The following LAMTOR4 variants were observed in gnomAD, a reference collection of about 807,000 sequenced individuals.
LAMTOR4 encodes the protein ragulator complex protein LAMTOR4.
A neutral mutation model predicts 13.5 loss-of-function variants in LAMTOR4; 11 were observed. The ratio of observed to expected loss-of-function variants is 0.82; its 90% CI spans 0.51 to 1.35. LAMTOR4 has a LOEUF of 1.35. LAMTOR4 is among the 40% of genes most tolerant of loss of function. LAMTOR4 has a pLI of 0.00. For missense variants in LAMTOR4, 128 were observed against 126.2 expected, an observed-to-expected ratio of 1.01 and a Z score of -0.07; for synonymous variants, 69 against 52.3, an observed-to-expected ratio of 1.32 and a Z score of -1.38.
intron 2 of LAMTOR4, among the ~76,000 whole-genome samples, chr7:100,152,498 T>A (rs964761318): frequency 6.6e-6 from 1 of 152,060 alleles, no homozygotes; most frequent in African/African-American, 2.4e-5. Flanking sequence ...ACTTTAGACA[T>A]TGAGTTTGAT....
At chr7:100,151,537 C>CGCCA (rs1798702654) in intron 2 of LAMTOR4, among the ~76,000 whole-genome samples, 2 of 151,708 alleles carry the variant, frequency 1.3e-5, no homozygotes, top group African/African-American at 2.4e-5. Flanking sequence ...TACAGGCGCC[C>CGCCA]GCCACCATGC....
rs774684445 is a variant in LAMTOR4 at position 100,149,492 on chromosome 7, C to T, written c.4-7C>T. The T allele has an allele frequency of 1.2e-6, 2 of 1,604,030 alleles. No individual in the cohort carries two copies. Among genetic ancestry groups the T allele is most frequent in the Non-Finnish European group, 1.7e-6 (2 of 1,170,906 alleles). On this transcript the variant is annotated splice_region_variant and splice_polypyrimidine_tract_variant and intron_variant, in intron 1 of 3. Coordinates refer to ENST00000341942, the MANE Select transcript of LAMTOR4 (RefSeq NM_001008395.4). ...TGCTTCTCACGACTTGCATCTTTACCCACTAGACTTCTGCGCTGACCCAGG... is the reference window on the plus strand; with the variant it reads ...TGCTTCTCACGACTTGCATCTTTACTCACTAGACTTCTGCGCTGACCCAGG...
chr7:100,149,076 C>G (rs1400918886), intron 1 of LAMTOR4, 101 bp downstream of exon 1: 2 of 1,410,428 alleles, frequency 1.4e-6, no homozygotes, highest in Non-Finnish European at 1.9e-6. Flanking sequence ...TCCACCCTCA[C>G]CTCCTATCCG....
chr7:100,149,605 C>G (rs1798638629), intron 2 of LAMTOR4, 26 bp downstream of exon 2: 1 of 1,576,708 alleles, frequency 6.3e-7, no homozygotes, highest in South Asian at 1.1e-5. Context: ...GGGAGGGGGT[C>G]CCTTAGTGCA....
At chr7:100,151,684 C>T (rs531120093) in intron 2 of LAMTOR4, among the ~76,000 whole-genome samples, 9 of 151,138 alleles carry the variant, frequency 6.0e-5, no homozygotes, top group East Asian at 1.9e-4. Context: ...CACAGCACCC[C>T]GTCCTGTTTT....
intron 2 of LAMTOR4, 98 bp from the exon 3 acceptor site, chr7:100,153,302 G>A: frequency 1.2e-6 from 1 of 822,022 alleles, no homozygotes; most frequent in South Asian, 1.6e-5. Flanking sequence ...CCAAGGGGGA[G>A]AGGGTCTAAG....
chr7:100,149,440 G>C (rs1490504404), intron 1 of LAMTOR4, 59 bp from the exon 2 acceptor site: 6 of 1,148,570 alleles, frequency 5.2e-6, no homozygotes, highest in Non-Finnish European at 7.9e-6. Flanking sequence ...GCAGGTGAAG[G>C]GTATCGGGCC....
At chr7:100,150,332 TA>T (rs1798662511) in intron 2 of LAMTOR4, among the ~76,000 whole-genome samples, 1 of 152,196 alleles carries the variant, frequency 6.6e-6, no homozygotes, top group South Asian at 2.1e-4. Context: ...TCCAGGATAT[TA>T]AAAATTCAAC....
intron 1 of LAMTOR4, 42 bp from the exon 2 acceptor site, chr7:100,149,457 C>T (rs764041303): frequency 4.4e-6 from 6 of 1,361,016 alleles, no homozygotes; most frequent in African/African-American, 4.3e-5. Context: ...GGCCGTCCAT[C>T]CCTCTAGCAT....
intron 2 of LAMTOR4, chr7:100,149,830 C>G: frequency 2.8e-6 from 1 of 361,360 alleles, no homozygotes; most frequent in Non-Finnish European, 5.3e-6. Context: ...AGCTGGAGTG[C>G]AGTGGTGCGA....
At chr7:100,153,312 G>A in intron 2 of LAMTOR4, 88 bp from the exon 3 acceptor site, 1 of 920,884 alleles carries the variant, frequency 1.1e-6, no homozygotes, top group South Asian at 1.4e-5. Context: ...GAGGGTCTAA[G>A]TGTGAGAACC....
rs550685898 is a variant in LAMTOR4 at position 100,153,383 on chromosome 7, C to T, written c.85-17C>T. 5.1e-6 allele frequency: 8 copies of T among 1,571,638 alleles called. No homozygotes were observed. The East Asian group carries it at 1.1e-4, about 22-fold the overall frequency. ...TGCCGTAATGCCCGCCCCTCTCCCTCCTCCGTCTGCATGCAGTCATCTGGG... is the reference window on the plus strand; with the variant it reads ...TGCCGTAATGCCCGCCCCTCTCCCTTCTCCGTCTGCATGCAGTCATCTGGG... On this transcript the variant is annotated splice_polypyrimidine_tract_variant and intron_variant, in intron 2 of 3. Coordinates refer to ENST00000341942, the MANE Select transcript of LAMTOR4 (RefSeq NM_001008395.4).
rs935113932 is a variant in LAMTOR4 at position 100,153,571 on chromosome 7, C to T, written c.202+54C>T. On this transcript the variant is annotated intron_variant, in intron 3 of 3. Transcript: ENST00000341942. ...GGTACTGGGAGCGGGGGGCTACTTC[C>T]AGGGGCTTCTCGGCTTCTCTTCTTC... The T allele has an allele frequency of 2.7e-6, 4 of 1,464,170 alleles. No homozygotes were observed. In the East Asian group the frequency reaches 9.0e-5, roughly 33 times the overall value. 90.7% of individuals were successfully genotyped at this position (1,464,170 alleles called of 1,614,324 possible).
chr7:100,154,110 T>C lies in LAMTOR4; in HGVS notation c.*146T>C. Reference sequence around the variant, plus strand: ...ACCCCTACCTGGACGGGCCCAGGCTTGGGGACTCTGAGCTGTGTTAAGGAG... The same window carrying C: ...ACCCCTACCTGGACGGGCCCAGGCTCGGGGACTCTGAGCTGTGTTAAGGAG... On this transcript the variant is annotated 3_prime_UTR_variant, in exon 4 of 4. Coordinates refer to ENST00000341942, the MANE Select transcript of LAMTOR4 (RefSeq NM_001008395.4). 1 of 658,466 alleles carries C rather than the reference T, an allele frequency of 1.5e-6. No individual in the cohort carries two copies. The highest frequency in any genetic ancestry group is 1.8e-5 in the African/African-American group (1 of 56,202). The allele number at this position is 658,466 out of a possible 1,614,324, so 40.8% of individuals were successfully genotyped here.
At chr7:100,149,861 C>T (rs933210888) in intron 2 of LAMTOR4, 4 of 255,396 alleles carry the variant, frequency 1.6e-5, no homozygotes, top group Non-Finnish European at 3.1e-5. Flanking sequence ...CTGCAACCTC[C>T]GCCTCCGGGG....
At chr7:100,153,747 T>A in intron 3 of LAMTOR4, 120 bp from the exon 4 acceptor site, 1 of 796,854 alleles carries the variant, frequency 1.3e-6, no homozygotes, top group Non-Finnish European at 2.2e-6. Context: ...ACTATAGAAC[T>A]TCTTTGGCTT....
intron 2 of LAMTOR4, among the ~76,000 whole-genome samples, chr7:100,152,512 A>C (rs1332147061): frequency 6.6e-6 from 1 of 152,180 alleles, no homozygotes. Context: ...GTTTGATATA[A>C]AATAGCAGTT....
chr7:100,151,209 G>A (rs889963264), intron 2 of LAMTOR4, among the ~76,000 whole-genome samples: 51 of 151,686 alleles, frequency 3.4e-4, no homozygotes, highest in Admixed American at 2.8e-3. Flanking sequence ...TGATTAGCTA[G>A]GATTACAGGT....
intron 1 of LAMTOR4, 50 bp from the exon 2 acceptor site, chr7:100,149,449 C>T (rs1408206025): frequency 4.0e-6 from 5 of 1,259,120 alleles, no homozygotes; most frequent in Non-Finnish European, 5.8e-6. Flanking sequence ...GGGTATCGGG[C>T]CGTCCATCCC....
Sources: gnomAD v4.1 joint callset for allele counts (sites outside exome capture counted in the v4.1 genomes callset) on GRCh38, gnomAD v4.1.1 for gene constraint, MANE v1.5 for transcripts, NCBI Gene and HGNC (gene_info 2026-07-23, HGNC 2026-07-21) for gene names.